The following KHDRBS3 variants were observed in gnomAD, a reference collection of about 807,000 sequenced individuals.
The protein encoded by KHDRBS3 is KH domain-containing, RNA-binding, signal transduction-associated protein 3.
Under a neutral mutation model 45.6 loss-of-function variants are expected in KHDRBS3, and 23 were observed. The observed-to-expected ratio is 0.50, with a 90% CI of 0.36 to 0.72. The LOEUF (loss-of-function observed/expected upper bound fraction) is 0.72. KHDRBS3 is among the 30% of genes least tolerant of loss of function. The pLI is 0.00. For synonymous variants in KHDRBS3, 162 were observed against 156.5 expected (o/e 1.04, Z -0.26); for missense variants, 352 against 424.8 (o/e 0.83, Z 1.51).
intron 3 of KHDRBS3, among the ~76,000 whole-genome samples, chr8:135,543,604 G>C (rs1377978894): frequency 6.6e-6 from 1 of 152,130 alleles, no homozygotes; most frequent in Non-Finnish European, 1.5e-5. Flanking sequence ...TGTTTATTCA[G>C]CTGCTACTGT....
At chr8:135,558,255 T>C (rs916146069) in intron 5 of KHDRBS3, among the ~76,000 whole-genome samples, 36 of 152,292 alleles carry the variant, frequency 2.4e-4, no homozygotes, top group African/African-American at 7.5e-4. Context: ...TCTCCTTGGA[T>C]TGGTGATTAA....
rs533987898 is a variant in KHDRBS3, at chr8:135,494,243, C to T, written c.89-26994C>T. 3.5e-5 allele frequency among the ~76,000 whole-genome samples: 5 copies of T among 141,094 alleles called. No homozygotes were observed. In the East Asian group the frequency reaches 1.0e-3, roughly 29 times the overall value. The allele number at this position is 141,094 out of a possible 152,430, so 92.6% of individuals were successfully genotyped here. A position where few individuals can be genotyped will look rare whatever the true frequency, so the allele number is the denominator to read the frequency against. On this transcript the variant is annotated intron_variant, in intron 1 of 8. Transcript: ENST00000355849. ...GTACTTGTAATTTCTTTGGTATCTT[C>T]TCGTTATTTTTTCCTCTTCTGTTTC...
chr8:135,459,535 C>G (rs1464958724), intron 1 of KHDRBS3, among the ~76,000 whole-genome samples: 1 of 152,164 alleles, frequency 6.6e-6, no homozygotes, highest in Non-Finnish European at 1.5e-5. Flanking sequence ...TTATTGCCTG[C>G]TGGGCTGTCA....
At chr8:135,635,237 T>G (rs1386959752) in intron 7 of KHDRBS3, among the ~76,000 whole-genome samples, 1 of 152,246 alleles carries the variant, frequency 6.6e-6, no homozygotes, top group Non-Finnish European at 1.5e-5. Flanking sequence ...GCTTTTGCAT[T>G]TCTTCTGATG....
At chr8:135,552,440 A>G (rs779093179) in intron 4 of KHDRBS3, among the ~76,000 whole-genome samples, 8 of 151,846 alleles carry the variant, frequency 5.3e-5, no homozygotes, top group Non-Finnish European at 1.2e-4. Context: ...CGCTTTTTAA[A>G]TTTTCTTTTG....
At chr8:135,496,347 C>T (rs1398640326) in intron 1 of KHDRBS3, among the ~76,000 whole-genome samples, 5 of 151,754 alleles carry the variant, frequency 3.3e-5, no homozygotes, top group Non-Finnish European at 2.9e-5. Flanking sequence ...ATTCTTCTGC[C>T]TCGACCTCCC....
chr8:135,500,915 A>G (rs2130503172), intron 1 of KHDRBS3, among the ~76,000 whole-genome samples: 1 of 152,352 alleles, frequency 6.6e-6, no homozygotes, highest in African/African-American at 2.4e-5. Context: ...CTTGAATTAA[A>G]TATTCTCACT....
intron 1 of KHDRBS3, among the ~76,000 whole-genome samples, chr8:135,492,504 C>CATAT (rs1447032732): frequency 1.0e-5 from 1 of 98,706 alleles, no homozygotes; most frequent in East Asian, 4.7e-4. Context: ...CATTAGTTTA[C>CATAT]ATATATATAT....
At chr8:135,562,559 G>A (rs949570874) in intron 5 of KHDRBS3, among the ~76,000 whole-genome samples, 1 of 152,084 alleles carries the variant, frequency 6.6e-6, no homozygotes, top group African/African-American at 2.4e-5. Flanking sequence ...ATCACATGCG[G>A]TAACTAATGA....
intron 5 of KHDRBS3, among the ~76,000 whole-genome samples, chr8:135,569,913 A>G (rs1204461320): frequency 1.3e-5 from 2 of 151,978 alleles, no homozygotes; most frequent in Non-Finnish European, 2.9e-5. Context: ...AATTCCATAC[A>G]GTTTTTTAAG....
chr8:135,481,022 G>C (rs1304212748), intron 1 of KHDRBS3, among the ~76,000 whole-genome samples: 1 of 151,862 alleles, frequency 6.6e-6, no homozygotes, highest in African/African-American at 2.4e-5. Context: ...CAGTTTAAAA[G>C]GTAGCAGTGC....
intron 4 of KHDRBS3, among the ~76,000 whole-genome samples, chr8:135,552,846 C>G (rs1194980558): frequency 1.3e-5 from 2 of 152,094 alleles, no homozygotes; most frequent in African/African-American, 4.8e-5. Flanking sequence ...AGCTCGTGTT[C>G]AGACAGCTGT....
At chr8:135,593,107 G>A (rs1828821353) in intron 6 of KHDRBS3, among the ~76,000 whole-genome samples, 1 of 152,188 alleles carries the variant, frequency 6.6e-6, no homozygotes, top group Non-Finnish European at 1.5e-5. Flanking sequence ...GTAGATAGGG[G>A]AGGAGGGAAA....
At chr8:135,485,034 A>G (rs957741782) in intron 1 of KHDRBS3, among the ~76,000 whole-genome samples, 1 of 152,208 alleles carries the variant, frequency 6.6e-6, no homozygotes, top group African/African-American at 2.4e-5. Context: ...GGCACTGTAT[A>G]CAGTGTGATA....
intron 6 of KHDRBS3, among the ~76,000 whole-genome samples, chr8:135,585,228 C>CAAAAAAA: frequency 1.0e-5 from 1 of 96,152 alleles, no homozygotes; most frequent in Non-Finnish European, 2.0e-5. Flanking sequence ...GACTCCGTCT[C>CAAAAAAA]AAAAAAAAAA....
At chr8:135,486,436 G>A (rs1471198124) in intron 1 of KHDRBS3, among the ~76,000 whole-genome samples, 2 of 152,200 alleles carry the variant, frequency 1.3e-5, no homozygotes, top group Admixed American at 6.5e-5. Flanking sequence ...GGATAAAGGG[G>A]AGATGAGGGA....
intron 1 of KHDRBS3, among the ~76,000 whole-genome samples, chr8:135,478,678 T>C (rs887189426): frequency 1.3e-5 from 2 of 152,066 alleles, no homozygotes; most frequent in African/African-American, 4.8e-5. Context: ...CAGAAAGAAA[T>C]TTGGGAAATT....
intron 7 of KHDRBS3, among the ~76,000 whole-genome samples, chr8:135,610,947 C>T (rs1829684075): frequency 6.6e-6 from 1 of 151,856 alleles, no homozygotes; most frequent in Non-Finnish European, 1.5e-5. Context: ...TGTGTTTATA[C>T]TTGAATTTAG....
intron 1 of KHDRBS3, among the ~76,000 whole-genome samples, chr8:135,460,972 A>G (rs1821400408): frequency 6.6e-6 from 1 of 152,168 alleles, no homozygotes; most frequent in African/African-American, 2.4e-5. Flanking sequence ...CCTGTCTGGT[A>G]TACATTGGCT....
Sources: allele counts gnomAD v4.1 joint callset (sites outside exome capture counted in the v4.1 genomes callset), GRCh38; gene constraint gnomAD v4.1.1; transcripts MANE v1.5; gene names NCBI Gene and HGNC (gene_info 2026-07-23, HGNC 2026-07-21).